Variants in NOS1AP observed in about 807,000 individuals in gnomAD.
The protein encoded by NOS1AP is carboxyl-terminal PDZ ligand of neuronal nitric oxide synthase protein.
In NOS1AP, 21 loss-of-function variants were observed where a neutral mutation model predicts 56.2. The ratio of observed to expected loss-of-function variants is 0.37; its 90% CI spans 0.26 to 0.54. The LOEUF (loss-of-function observed/expected upper bound fraction) is 0.54. Ranked by LOEUF, NOS1AP falls within the 20% of genes least tolerant of loss-of-function variation. The pLI, the probability that NOS1AP is intolerant of heterozygous loss-of-function variation, is 0.84. For synonymous variants in NOS1AP, 270 were observed against 274.6 expected, an observed-to-expected ratio of 0.98 and a Z score of 0.17; for missense variants, 522 against 657.8, an observed-to-expected ratio of 0.79 and a Z score of 2.26.
chr1:162,198,237 A>G (rs558595222), intron 2 of NOS1AP, among the ~76,000 whole-genome samples: 148 of 152,340 alleles, frequency 9.7e-4, no homozygotes, highest in Non-Finnish European at 1.7e-3. Flanking sequence ...TGTCAGGACT[A>G]TAATCTTCTC....
At chr1:162,103,261 G>C (rs946723085) in intron 1 of NOS1AP, among the ~76,000 whole-genome samples, 1 of 151,444 alleles carries the variant, frequency 6.6e-6, no homozygotes, top group African/African-American at 2.4e-5. Flanking sequence ...ATTTCTTAAC[G>C]TTGCGTTCTA....
intron 2 of NOS1AP, among the ~76,000 whole-genome samples, chr1:162,186,154 C>T (rs1012534197): frequency 1.3e-5 from 2 of 152,080 alleles, no homozygotes; most frequent in Non-Finnish European, 2.9e-5. Flanking sequence ...TATTTAAGAC[C>T]TTAAGAAACA....
At chr1:162,212,885 G>A (rs1002341264) in intron 2 of NOS1AP, among the ~76,000 whole-genome samples, 1 of 152,132 alleles carries the variant, frequency 6.6e-6, no homozygotes. Flanking sequence ...CCCGGCACAC[G>A]GCGGACCATG....
chr1:162,094,927 G>T (rs1241766255), intron 1 of NOS1AP, among the ~76,000 whole-genome samples: 1 of 152,212 alleles, frequency 6.6e-6, no homozygotes, highest in Non-Finnish European at 1.5e-5. Context: ...ACATGTTCCA[G>T]TTGCTAGAAA....
chr1:162,301,299 C>G (rs562969532), intron 4 of NOS1AP, among the ~76,000 whole-genome samples: 1 of 152,096 alleles, frequency 6.6e-6, no homozygotes, highest in Admixed American at 6.5e-5. Flanking sequence ...GATTAGTGAC[C>G]TTATTTTATA....
At chr1:162,154,280 GCTGGCTCTTAATTT>G (rs1292333322) in intron 1 of NOS1AP, 111 bp from the exon 2 acceptor site, 1 of 788,954 alleles carries the variant, frequency 1.3e-6, no homozygotes, top group Non-Finnish European at 2.2e-6. Flanking sequence ...AAAACACCCT[GCTGGCTCTTAATTT>G]CTTCATCTGT....
At chr1:162,364,735 G>T (rs565021193) in intron 8 of NOS1AP, 2 of 986,952 alleles carry the variant, frequency 2.0e-6, no homozygotes, top group Non-Finnish European at 2.4e-6. Flanking sequence ...ATGAATCATG[G>T]TCCTAGATGT....
intron 1 of NOS1AP, among the ~76,000 whole-genome samples, chr1:162,112,617 G>A (rs1270883034): frequency 6.6e-6 from 1 of 152,222 alleles, no homozygotes; most frequent in African/African-American, 2.4e-5. Flanking sequence ...TGACTTCTCA[G>A]AGCTTGCAGT....
intron 4 of NOS1AP, among the ~76,000 whole-genome samples, chr1:162,306,889 C>A (rs1655850526): frequency 1.3e-5 from 2 of 151,636 alleles, no homozygotes; most frequent in Non-Finnish European, 2.9e-5. Flanking sequence ...GTGAGCCAAG[C>A]CTGGGCAGCA....
chr1:162,312,090 A>G (rs1167074725), intron 4 of NOS1AP, among the ~76,000 whole-genome samples: 13 of 151,080 alleles, frequency 8.6e-5, no homozygotes, highest in Non-Finnish European at 1.5e-5. Context: ...TCCTTTGGGT[A>G]TATACCCAGC....
In NOS1AP at chr1:162,194,499, A is replaced by G. The variant is rs146009967; in HGVS notation, c.177+40023A>G. Among the ~76,000 whole-genome samples the G allele has an allele frequency of 2.5e-3, 378 of 152,210 alleles. 3 individuals carry two copies. The highest frequency in any genetic ancestry group is 3.5e-3 in the Non-Finnish European group (241 of 68,004). On this transcript the variant is annotated intron_variant, in intron 2 of 9. Transcript: ENST00000361897. ...TTTCTCAAAGGGCACTGTGGTTTCT[A>G]CTTTCCTGCTGGAAGTTCCATGTCT...
Position 162,368,860 on chromosome 1 carries a change from C to A in NOS1AP, c.*1393C>A, listed in dbSNP as rs926267308. 1 of 152,226 alleles carries A rather than the reference C, an allele frequency of 6.6e-6. No homozygotes were observed. Among genetic ancestry groups the A allele is most frequent in the Admixed American group, 6.5e-5 (1 of 15,280 alleles). The allele number at this position is 152,226 out of a possible 1,614,324, so 9.4% of individuals were successfully genotyped here. A position where few individuals can be genotyped will look rare whatever the true frequency, so the allele number is the denominator to read the frequency against. ...GCAAACTGCAGTGTTATTGGAGGGT[C>A]AATCGGCAAGGATATGATTATCCCA... On this transcript the variant is annotated 3_prime_UTR_variant, in exon 10 of 10. Coordinates refer to ENST00000361897, the MANE Select transcript of NOS1AP (RefSeq NM_014697.3).
chr1:162,310,732 A>G (rs1450912067), intron 4 of NOS1AP, among the ~76,000 whole-genome samples: 1 of 152,164 alleles, frequency 6.6e-6, no homozygotes, highest in East Asian at 1.9e-4. Context: ...CTGGTAGATG[A>G]TAATACCCAT....
chr1:162,188,520 C>T lies in NOS1AP; in HGVS notation c.177+34044C>T, dbSNP rs747941339. Reference sequence around the variant, plus strand: ...TGTTTGTGGGCTCTGATATATGCCACACAGCCTACAACTCGACTCTGGCAA... The same window carrying T: ...TGTTTGTGGGCTCTGATATATGCCATACAGCCTACAACTCGACTCTGGCAA... On this transcript the variant is annotated intron_variant, in intron 2 of 9. Coordinates refer to ENST00000361897, the MANE Select transcript of NOS1AP (RefSeq NM_014697.3). The surrounding 1 kb of genome is among the most constrained non-coding windows in gnomAD (Gnocchi z 4.0). 9.9e-5 allele frequency among the ~76,000 whole-genome samples: 15 copies of T among 152,268 alleles called. No homozygotes were observed. Among genetic ancestry groups the T allele is most frequent in the Non-Finnish European group, 1.5e-4 (10 of 68,028 alleles).
intron 2 of NOS1AP, among the ~76,000 whole-genome samples, chr1:162,231,742 G>A (rs1359016823): frequency 1.3e-5 from 2 of 152,144 alleles, no homozygotes; most frequent in Non-Finnish European, 2.9e-5. Flanking sequence ...ACTTGGAGCT[G>A]AGAGATGATA....
rs35946766 is a variant in NOS1AP at position 162,324,416 on chromosome 1, C to CTTTT, written c.345-8576_345-8573dup. On this transcript the variant is annotated intron_variant, in intron 4 of 9. Transcript: ENST00000361897. Reference sequence around the variant, plus strand: ...TAGTGGTTTTGTGAGGGACACTAGCCTTTTTTTTTTTTTTTTTTTTTTTTT... The same window carrying CTTTT: ...TAGTGGTTTTGTGAGGGACACTAGCCTTTTTTTTTTTTTTTTTTTTTTTTTTTTT... Among the ~76,000 whole-genome samples the CTTTT allele has an allele frequency of 1.1e-3, 77 of 72,148 alleles. 17 individuals carry two copies. The highest frequency in any genetic ancestry group is 1.2e-3 in the African/African-American group (24 of 20,248). The allele number at this position is 72,148 out of a possible 152,430, so 47.3% of individuals were successfully genotyped here. A position where few individuals can be genotyped will look rare whatever the true frequency, so the allele number is the denominator to read the frequency against.
At chr1:162,328,217 C>T (rs12750177) in intron 4 of NOS1AP, among the ~76,000 whole-genome samples, 8 of 151,998 alleles carry the variant, frequency 5.3e-5, no homozygotes, top group East Asian at 1.9e-4. Flanking sequence ...GCAGAGGAGT[C>T]GGAGAGTGGG....
chr1:162,101,872 C>G (rs559058768), intron 1 of NOS1AP, among the ~76,000 whole-genome samples: 1 of 152,216 alleles, frequency 6.6e-6, no homozygotes, highest in Non-Finnish European at 1.5e-5. Context: ...GATATAGGAT[C>G]ATGTCATCTG....
chr1:162,319,754 C>T (rs565198346), intron 4 of NOS1AP, among the ~76,000 whole-genome samples: 3 of 152,154 alleles, frequency 2.0e-5, no homozygotes, highest in Non-Finnish European at 4.4e-5. Context: ...CCTCTCTTGG[C>T]TCTGGAAACT....
Sources: allele counts gnomAD v4.1 joint callset (sites outside exome capture counted in the v4.1 genomes callset), GRCh38; gene constraint gnomAD v4.1.1; non-coding constraint Gnocchi (gnomAD v3.1); transcripts MANE v1.5; gene names NCBI Gene and HGNC (gene_info 2026-07-23, HGNC 2026-07-21).